TRHDE: variants seen among roughly 807,000 people sequenced by gnomAD.
The protein encoded by TRHDE is thyrotropin-releasing hormone-degrading ectoenzyme.
A neutral mutation model predicts 125.7 loss-of-function variants in TRHDE; 72 were observed. That is an observed-to-expected ratio of 0.57 (90% CI 0.47 to 0.70). The LOEUF is 0.70. Ranked by LOEUF, TRHDE falls within the 30% of genes least tolerant of loss-of-function variation. The pLI is 0.00. For missense variants in TRHDE, 1,110 were observed against 1,327.1 expected (o/e 0.84, Z 2.54); for synonymous variants, 509 against 509.1 (o/e 1.00, Z 0.00).
intron 9 of TRHDE, among the ~76,000 whole-genome samples, chr12:72,563,660 A>C (rs1391514238): frequency 6.6e-6 from 1 of 152,034 alleles, no homozygotes; most frequent in Non-Finnish European, 1.5e-5. Context: ...AGCAAATAGC[A>C]TTTTTCTTTC....
chr12:72,632,837 A>AT (rs1025659508), intron 15 of TRHDE, among the ~76,000 whole-genome samples: 40 of 150,402 alleles, frequency 2.7e-4, no homozygotes, highest in African/African-American at 8.3e-4. Context: ...TTCACAATGA[A>AT]TTTTTTGGCC....
chr12:72,325,054 C>T (rs1381915456), intron 2 of TRHDE, among the ~76,000 whole-genome samples: 1 of 151,598 alleles, frequency 6.6e-6, no homozygotes, highest in African/African-American at 2.4e-5. Context: ...AAGAAAGGGG[C>T]AAATTGTTTG....
intron 5 of TRHDE, among the ~76,000 whole-genome samples, chr12:72,480,606 T>G (rs1185842314): frequency 2.0e-5 from 3 of 151,918 alleles, no homozygotes; most frequent in Admixed American, 2.0e-4. Context: ...TTTGTAGGAG[T>G]TTCAAAACCA....
At chr12:72,466,013 A>C (rs1184323851) in intron 3 of TRHDE, among the ~76,000 whole-genome samples, 1 of 152,162 alleles carries the variant, frequency 6.6e-6, no homozygotes, top group Non-Finnish European at 1.5e-5. Context: ...CCATTTGCTG[A>C]AGAGTCCTTG....
At chr12:72,638,660 G>C (rs1873881249) in intron 15 of TRHDE, among the ~76,000 whole-genome samples, 1 of 152,056 alleles carries the variant, frequency 6.6e-6, no homozygotes, top group Admixed American at 6.6e-5. Flanking sequence ...TCCATTCCAT[G>C]TTTAGTGCTT....
intron 3 of TRHDE, among the ~76,000 whole-genome samples, chr12:72,390,656 G>A (rs1480048310): frequency 6.6e-6 from 1 of 152,090 alleles, no homozygotes; most frequent in Non-Finnish European, 1.5e-5. Flanking sequence ...TTGTAACAGT[G>A]TTCTTTATCC....
intron 5 of TRHDE, among the ~76,000 whole-genome samples, chr12:72,480,268 C>T (rs1307518781): frequency 6.6e-6 from 1 of 150,484 alleles, no homozygotes; most frequent in Non-Finnish European, 1.5e-5. Flanking sequence ...AACTAGTTTA[C>T]AGTCCCACCA....
At chr12:72,624,995 G>T (rs1017576336) in intron 15 of TRHDE, among the ~76,000 whole-genome samples, 3 of 151,478 alleles carry the variant, frequency 2.0e-5, no homozygotes, top group Non-Finnish European at 2.9e-5. Context: ...ATTATAAAGA[G>T]AATAGAAATT....
intron 2 of TRHDE, among the ~76,000 whole-genome samples, chr12:72,222,691 G>A (rs1370531927): frequency 6.6e-6 from 1 of 152,090 alleles, no homozygotes; most frequent in African/African-American, 2.4e-5. Context: ...CACGGCCTGA[G>A]TAAGCAATCC....
intron 12 of TRHDE, chr12:72,611,067 T>A (rs1366743132): frequency 6.0e-6 from 1 of 166,586 alleles, no homozygotes; most frequent in African/African-American, 2.4e-5. Context: ...GGATGCATTT[T>A]AAAAGGAGCA....
At chr12:72,094,531 C>T (rs1283648454) in intron 1 of TRHDE, among the ~76,000 whole-genome samples, 1 of 152,186 alleles carries the variant, frequency 6.6e-6, no homozygotes, top group East Asian at 1.9e-4. Flanking sequence ...TGCAGGGACA[C>T]AGATGGGTGC....
chr12:72,621,279 C>G lies in TRHDE; in HGVS notation c.2567+74C>G. The stretch of plus-strand genomic sequence containing the variant: ...TAATGTACTACTAGTGCCATTGTGA[C>G]TTTAGCTGCATGAGACAATCTTCCT... On this transcript the variant is annotated intron_variant, in intron 14 of 18. Coordinates refer to ENST00000261180, the MANE Select transcript of TRHDE (RefSeq NM_013381.3). The G allele has an allele frequency of 3.2e-6, 3 of 950,698 alleles. No individual in the cohort carries two copies. The South Asian group carries it at 4.3e-5, about 14-fold the overall frequency. 58.9% of individuals were successfully genotyped at this position (950,698 alleles called of 1,614,324 possible).
intron 3 of TRHDE, among the ~76,000 whole-genome samples, chr12:72,423,936 C>G (rs1874075359): frequency 6.6e-6 from 1 of 152,088 alleles, no homozygotes; most frequent in Non-Finnish European, 1.5e-5. Flanking sequence ...CTAAGGACCT[C>G]TAGAAGCTGC....
intron 2 of TRHDE, among the ~76,000 whole-genome samples, chr12:72,296,362 C>T (rs1041455071): frequency 6.6e-6 from 1 of 152,180 alleles, no homozygotes; most frequent in Non-Finnish European, 1.5e-5. Context: ...AAAAGAGTTA[C>T]TAAAGAGAGT....
chr12:72,368,831 T>C (rs1304231308), intron 2 of TRHDE, among the ~76,000 whole-genome samples: 9 of 152,176 alleles, frequency 5.9e-5, no homozygotes, highest in Admixed American at 5.2e-4. Context: ...TTTGACACTT[T>C]CCTAAAGAAT....
intron 2 of TRHDE, among the ~76,000 whole-genome samples, chr12:72,290,917 A>G (rs1040729842): frequency 1.3e-5 from 2 of 152,252 alleles, no homozygotes; most frequent in Admixed American, 1.3e-4. Context: ...ATAAGTGAGC[A>G]CTAAGGATAG....
intron 3 of TRHDE, among the ~76,000 whole-genome samples, chr12:72,398,318 G>A (rs2135799721): frequency 6.6e-6 from 1 of 152,252 alleles, no homozygotes. Context: ...CTTTATAGCA[G>A]CATGATTTAT....
intron 2 of TRHDE, among the ~76,000 whole-genome samples, chr12:72,287,260 T>A (rs1356993134): frequency 6.6e-6 from 1 of 152,188 alleles, no homozygotes; most frequent in Non-Finnish European, 1.5e-5. Flanking sequence ...TTGTCTCTTT[T>A]GGAAAATTGC....
intron 2 of TRHDE, among the ~76,000 whole-genome samples, chr12:72,144,812 G>A (rs528250432): frequency 6.6e-6 from 1 of 152,136 alleles, no homozygotes; most frequent in Non-Finnish European, 1.5e-5. Context: ...GGGCACTGGG[G>A]ATATGTAGTA....
Sources: allele counts gnomAD v4.1 joint callset (sites outside exome capture counted in the v4.1 genomes callset), GRCh38; gene constraint gnomAD v4.1.1; transcripts MANE v1.5; gene names NCBI Gene and HGNC (gene_info 2026-07-23, HGNC 2026-07-21).